The following NOP14 variants were observed in gnomAD, a reference collection of about 807,000 sequenced individuals.
The protein encoded by NOP14 is nucleolar protein 14.
Under a neutral mutation model 101.6 loss-of-function variants are expected in NOP14, and 57 were observed. That is an observed-to-expected ratio of 0.56 (90% CI 0.45 to 0.70). NOP14 has a LOEUF of 0.70. Ranked by LOEUF, NOP14 falls within the 30% of genes least tolerant of loss-of-function variation. NOP14 has a pLI of 0.00. For missense variants in NOP14, 1,134 were observed against 1,075.5 expected (o/e 1.05, Z -0.76); for synonymous variants, 428 against 424.0 (o/e 1.01, Z -0.12).
At chr4:2,948,437 T>C in intron 8 of NOP14, 29 bp from the exon 9 acceptor site, 1 of 1,561,380 alleles carries the variant, frequency 6.4e-7, no homozygotes, top group Non-Finnish European at 8.7e-7. Flanking sequence ...ATACTGCACA[T>C]TTAACATTTA....
intron 5 of NOP14, among the ~76,000 whole-genome samples, chr4:2,953,280 T>A (rs1331747316): frequency 1.3e-5 from 2 of 152,202 alleles, no homozygotes; most frequent in South Asian, 4.1e-4. Context: ...ACTTCTTCCA[T>A]CCAGAAACAC....
chr4:2,955,928 A>T (rs529428740), intron 3 of NOP14, among the ~76,000 whole-genome samples: 2 of 152,352 alleles, frequency 1.3e-5, no homozygotes, highest in Admixed American at 6.5e-5. Context: ...TTAACGCCTT[A>T]ACTTTCACAC....
At chr4:2,959,388 C>G (rs187411203) in intron 1 of NOP14, among the ~76,000 whole-genome samples, 7 of 152,086 alleles carry the variant, frequency 4.6e-5, no homozygotes, top group Admixed American at 1.3e-4. Flanking sequence ...GTTAGAAGAT[C>G]AAGACCATCC....
intron 15 of NOP14, 47 bp from the exon 16 acceptor site, chr4:2,939,692 T>A (rs1318632310): frequency 5.0e-6 from 7 of 1,401,832 alleles, no homozygotes; most frequent in Admixed American, 1.7e-5. Context: ...ACCTGCTGCG[T>A]GCCCTGAGCT....
In NOP14 at chr4:2,938,113, T is replaced by C; in HGVS notation, c.*718A>G. 9.7e-7 allele frequency: 1 copy of C among 1,029,384 alleles called. No individual in the cohort carries two copies. The highest frequency in any genetic ancestry group is 1.3e-6 in the Non-Finnish European group (1 of 768,036). 63.8% of individuals were successfully genotyped at this position (1,029,384 alleles called of 1,614,324 possible). A position where few individuals can be genotyped will look rare whatever the true frequency, so the allele number is the denominator to read the frequency against. ...CACAGACCATTCCCGATCCCAGAGG[T>C]GCATTTCAGGATTCATTCTATTTCA... is the stretch of plus-strand genomic sequence containing the variant. On this transcript the variant is annotated 3_prime_UTR_variant, in exon 18 of 18. Coordinates refer to ENST00000416614, the MANE Select transcript of NOP14 (RefSeq NM_001291978.2).
chr4:2,962,828 G>T (rs1410042544), intron 1 of NOP14, among the ~76,000 whole-genome samples: 1 of 152,174 alleles, frequency 6.6e-6, no homozygotes, highest in Non-Finnish European at 1.5e-5. Context: ...AGTAAACGCG[G>T]AAGGGTTAAC....
chr4:2,952,249 C>T (rs1441375816), intron 6 of NOP14, 26 bp downstream of exon 6: 40 of 1,611,206 alleles, frequency 2.5e-5, no homozygotes, highest in Non-Finnish European at 3.3e-5. Flanking sequence ...CAGCACAGCC[C>T]TGCTCCTGAG....
chr4:2,962,234 A>T (rs977610032), intron 1 of NOP14, among the ~76,000 whole-genome samples: 2 of 152,332 alleles, frequency 1.3e-5, no homozygotes, highest in African/African-American at 2.4e-5. Flanking sequence ...TTCAGTGGTG[A>T]AGACAAATGT....
At chr4:2,940,723 C>G (rs564634101) in intron 15 of NOP14, 3 of 152,548 alleles carry the variant, frequency 2.0e-5, no homozygotes, top group East Asian at 3.9e-4. Context: ...GCACCACAGA[C>G]AAAACGCAGG....
At chr4:2,943,639 C>T (rs1714393850) in intron 13 of NOP14, among the ~76,000 whole-genome samples, 1 of 152,224 alleles carries the variant, frequency 6.6e-6, no homozygotes, top group South Asian at 2.1e-4. Context: ...GTGTGAGCTG[C>T]ACGAGAACTT....
At chr4:2,941,352 C>T (rs1295448633) in intron 15 of NOP14, 14 of 536,474 alleles carry the variant, frequency 2.6e-5, no homozygotes, top group South Asian at 1.3e-4. Flanking sequence ...GCACACAAGG[C>T]GACAGTTCCC....
intron 14 of NOP14, 52 bp from the exon 15 acceptor site, chr4:2,941,781 C>T (rs769775725): frequency 5.1e-6 from 8 of 1,576,944 alleles, no homozygotes; most frequent in Non-Finnish European, 6.9e-6. Context: ...TTGTCACTGA[C>T]AAAACCAATA....
At chr4:2,941,055 T>C (rs1714139261) in intron 15 of NOP14, 1 of 153,642 alleles carries the variant, frequency 6.5e-6, no homozygotes, top group Non-Finnish European at 1.4e-5. Flanking sequence ...AAGCAGGAAG[T>C]GGATGCAGGG....
At chr4:2,959,387 T>C (rs916047163) in intron 1 of NOP14, among the ~76,000 whole-genome samples, 23 of 152,024 alleles carry the variant, frequency 1.5e-4, no homozygotes, top group Non-Finnish European at 3.2e-4. Context: ...GGTTAGAAGA[T>C]CAAGACCATC....
intron 12 of NOP14, 25 bp downstream of exon 12, chr4:2,945,103 C>T: frequency 6.5e-7 from 1 of 1,534,898 alleles, no homozygotes; most frequent in Non-Finnish European, 8.9e-7. Flanking sequence ...CAGGCCGACC[C>T]CTGCCGCATG....
intron 2 of NOP14, among the ~76,000 whole-genome samples, chr4:2,957,015 T>C (rs1260306995): frequency 6.6e-6 from 1 of 152,044 alleles, no homozygotes; most frequent in Non-Finnish European, 1.5e-5. Context: ...TTCTTTTTTT[T>C]CCTTCAGACA....
chr4:2,947,850 C>T (rs1048158742), intron 9 of NOP14, among the ~76,000 whole-genome samples: 3 of 152,220 alleles, frequency 2.0e-5, no homozygotes, highest in African/African-American at 7.2e-5. Flanking sequence ...TACAGAACAG[C>T]TGACAACACA....
chr4:2,954,220 CA>C (rs527795682), intron 4 of NOP14, among the ~76,000 whole-genome samples: 7 of 151,892 alleles, frequency 4.6e-5, no homozygotes, highest in African/African-American at 1.5e-4. Flanking sequence ...AAACATAAAC[CA>C]AAAAAAGGCA....
Position 2,945,152 on chromosome 4 carries a change from CACGAGGGCAGGGG to C in NOP14, c.1700_1712del (p.Thr567SerfsTer19). 6.3e-7 allele frequency: 1 copy of C among 1,591,364 alleles called. No homozygotes were observed. The highest frequency in any genetic ancestry group is 8.6e-7 in the Non-Finnish European group (1 of 1,168,762). On this transcript the variant is annotated frameshift_variant, in exon 12 of 18. Transcript: ENST00000416614. LOFTEE classifies it high-confidence loss of function. The stretch of plus-strand genomic sequence containing the variant: ...CCTTGGTGAGCAGCTGACTGAGGCA[CACGAGGGCAGGGG>C]TCACCACTGGGTGCCAGAAGTCGGA...
Sources: allele counts gnomAD v4.1 joint callset (sites outside exome capture counted in the v4.1 genomes callset), GRCh38; gene constraint gnomAD v4.1.1; transcripts MANE v1.5; gene names NCBI Gene and HGNC (gene_info 2026-07-23, HGNC 2026-07-21).